RYR2: variants seen among roughly 807,000 people sequenced by gnomAD.
RYR2 encodes the protein ryanodine receptor 2.
In RYR2, 227 loss-of-function variants were observed where a neutral mutation model predicts 601.1. The observed-to-expected ratio is 0.38, with a 90% CI of 0.34 to 0.42. RYR2 has a LOEUF of 0.42. RYR2 is among the 10% of genes least tolerant of loss of function. The pLI is 1.00. For missense variants in RYR2, 4,646 were observed against 6,156.5 expected (o/e 0.75, Z 8.21); for synonymous variants, 2,223 against 2,175.1 (o/e 1.02, Z -0.61).
chr1:237,096,842 T>G (rs909951409), intron 1 of RYR2, among the ~76,000 whole-genome samples: 4 of 152,132 alleles, frequency 2.6e-5, no homozygotes, highest in Non-Finnish European at 4.4e-5. Context: ...CCCCTATAAA[T>G]CTGTGTGGGT....
In RYR2 at chr1:237,330,940, G is replaced by A. The variant is rs376225470; in HGVS notation, c.231G>A (p.Ala77=). ...TGGAGCAGTCCCTCTCTGTCCGGGC[G>A]CTGCAGGAGATGCTGGCTAACACCG... is the stretch of plus-strand genomic sequence containing the variant. ...FVLEQSLSVR[A]LQEMLANTVE... The change falls in exon 3 of 105, where the codon GCG becomes GCA. Residue 77 remains alanine, a synonymous_variant. Coordinates refer to ENST00000366574, the MANE Select transcript of RYR2 (RefSeq NM_001035.3). 208 of 1,613,978 alleles carry A rather than the reference G, an allele frequency of 1.3e-4. 1 individual carries two copies. The African/African-American group carries it at 2.1e-3, about 16-fold the overall frequency.
intron 17 of RYR2, among the ~76,000 whole-genome samples, chr1:237,475,535 G>A (rs1292824645): frequency 1.3e-5 from 2 of 152,092 alleles, no homozygotes; most frequent in South Asian, 2.1e-4. Context: ...AAGTGTGGGT[G>A]GTGGTAGTAA....
intron 1 of RYR2, among the ~76,000 whole-genome samples, chr1:237,146,631 C>T (rs1674034577): frequency 6.6e-6 from 1 of 152,088 alleles, no homozygotes; most frequent in African/African-American, 2.4e-5. Flanking sequence ...ATTTTTTCAC[C>T]AGTTTCTGTC....
At position 237,496,534 on chromosome 1, in the gene RYR2, G is replaced by A; in HGVS notation, c.1985G>A (p.Gly662Asp). 1.9e-6 allele frequency: 3 copies of A among 1,613,852 alleles called. No homozygotes were observed. Among genetic ancestry groups the A allele is most frequent in the Non-Finnish European group, 2.5e-6 (3 of 1,179,814 alleles). Residue 662 changes from glycine (G) to aspartate (D), a missense_variant, in exon 20 of 105, where the codon GGC becomes GAC. Physicochemically the swap from Gly to Asp is moderately conservative, Grantham distance 94. Coordinates refer to ENST00000366574, the MANE Select transcript of RYR2 (RefSeq NM_001035.3). Reference protein sequence around the residue: ...VSSMRPNIFLGVSEGSAQYKK... With the variant: ...VSSMRPNIFLDVSEGSAQYKK... ...AGCATGAGACCCAATATTTTTCTGGGCGTCAGTGAAGGTTCTGCTCAGTAT... is the reference window on the plus strand; with the variant it reads ...AGCATGAGACCCAATATTTTTCTGGACGTCAGTGAAGGTTCTGCTCAGTAT...
rs1234087228 is a variant in RYR2 at position 237,610,481 on chromosome 1, C to T, written c.4684-281C>T. On this transcript the variant is annotated intron_variant, in intron 35 of 104. Transcript: ENST00000366574. The surrounding 1 kb of genome is among the most constrained non-coding windows in gnomAD (Gnocchi z 4.9). ...GAAATATAAAGGATATATGGGTATG[C>T]TTGGCCTTCTCTCTGTGCCATTCAG... is the stretch of plus-strand genomic sequence containing the variant. 6.6e-6 allele frequency among the ~76,000 whole-genome samples: 1 copy of T among 152,124 alleles called. No homozygotes were observed. Among genetic ancestry groups the T allele is most frequent in the African/African-American group, 2.4e-5 (1 of 41,404 alleles).
chr1:237,634,142 C>T (rs963266762), intron 43 of RYR2, among the ~76,000 whole-genome samples: 6 of 152,072 alleles, frequency 3.9e-5, no homozygotes, highest in East Asian at 1.9e-4. Flanking sequence ...ATCAGTATGT[C>T]GAAGAGATAC....
intron 1 of RYR2, among the ~76,000 whole-genome samples, chr1:237,260,601 G>A (rs1194074560): frequency 6.6e-6 from 1 of 152,164 alleles, no homozygotes; most frequent in Admixed American, 6.5e-5. Flanking sequence ...GGGAGACCAA[G>A]GTGGGCAGAT....
rs1001104355 is a variant in RYR2 at position 237,472,681 on chromosome 1, T to C, written c.1708+3494T>C. Among the ~76,000 whole-genome samples, 3 of 111,558 alleles carry C rather than the reference T, an allele frequency of 2.7e-5. No individual in the cohort carries two copies. The Admixed American group carries it at 2.9e-4, about 11-fold the overall frequency. 73.2% of individuals were successfully genotyped at this position (111,558 alleles called of 152,430 possible). On this transcript the variant is annotated intron_variant, in intron 17 of 104. Coordinates refer to ENST00000366574, the MANE Select transcript of RYR2 (RefSeq NM_001035.3). Reference sequence around the variant, plus strand: ...TAGAATGTGTGATAGGATATATTTTTGTAAAAAAAAAAAAGTGAAGATGAA... The same window carrying C: ...TAGAATGTGTGATAGGATATATTTTCGTAAAAAAAAAAAAGTGAAGATGAA...
In RYR2 at chr1:237,399,225, C is replaced by T. The variant is rs546294299; in HGVS notation, c.773+11042C>T. On this transcript the variant is annotated intron_variant, in intron 10 of 104. Coordinates refer to ENST00000366574, the MANE Select transcript of RYR2 (RefSeq NM_001035.3). Reference sequence around the variant, plus strand: ...AAACATAAAAAATAAAAATTGAACACACAGCAACCTCAATGAATCTCCAGG... The same window carrying T: ...AAACATAAAAAATAAAAATTGAACATACAGCAACCTCAATGAATCTCCAGG... Among the ~76,000 whole-genome samples the T allele has an allele frequency of 8.5e-5, 13 of 152,126 alleles. No individual in the cohort carries two copies. The East Asian group carries it at 2.1e-3, about 25-fold the overall frequency.
intron 79 of RYR2, among the ~76,000 whole-genome samples, chr1:237,738,834 C>T (rs913574396): frequency 5.9e-5 from 9 of 152,128 alleles, no homozygotes; most frequent in Admixed American, 5.2e-4. Context: ...TTTCACCTAT[C>T]TTACAAGAGC....
chr1:237,295,767 C>T (rs1692705366), intron 2 of RYR2, among the ~76,000 whole-genome samples: 1 of 152,104 alleles, frequency 6.6e-6, no homozygotes, highest in African/African-American at 2.4e-5. Context: ...CCATAAAATT[C>T]ATACAGGTTT....
intron 2 of RYR2, among the ~76,000 whole-genome samples, chr1:237,275,518 C>T (rs971220574): frequency 4.0e-5 from 6 of 151,630 alleles, no homozygotes; most frequent in African/African-American, 1.2e-4. Flanking sequence ...CCAAAGGGTA[C>T]ATTTCTCAAT....
chr1:237,828,550 G>C, intron 102 of RYR2, 105 bp downstream of exon 102: 2 of 724,040 alleles, frequency 2.8e-6, no homozygotes, highest in Non-Finnish European at 4.5e-6. Context: ...GGAGGGGGAA[G>C]GGCACAACTT....
intron 16 of RYR2, among the ~76,000 whole-genome samples, chr1:237,465,205 G>T (rs1189910008): frequency 1.3e-5 from 2 of 151,474 alleles, no homozygotes. Context: ...TATTGAGATT[G>T]TTTGATCTTT....
At chr1:237,170,632 C>T (rs1196183310) in intron 1 of RYR2, among the ~76,000 whole-genome samples, 1 of 152,158 alleles carries the variant, frequency 6.6e-6, no homozygotes, top group Admixed American at 6.5e-5. Flanking sequence ...GTTAAAGTGC[C>T]TCATGAGGAT....
At position 237,631,613 on chromosome 1, in the gene RYR2, A is replaced by ATTTTTTTTTTTTT. The variant is rs556269614; in HGVS notation, c.6555+92_6555+104dup. 75 of 208,592 alleles carry ATTTTTTTTTTTTT rather than the reference A, an allele frequency of 3.6e-4. 10 individuals carry two copies. Among genetic ancestry groups the ATTTTTTTTTTTTT allele is most frequent in the African/African-American group, 3.5e-3 (52 of 14,850 alleles). 12.9% of individuals were successfully genotyped at this position (208,592 alleles called of 1,614,324 possible). On this transcript the variant is annotated intron_variant, in intron 42 of 104. Transcript: ENST00000366574. The stretch of plus-strand genomic sequence containing the variant: ...GTATATAGATTGATATAGAATGCAG[A>ATTTTTTTTTTTTT]TTTTTTTTTTTTTTTTTTTTTTTTT...
At chr1:237,371,854 A>G (rs1365900665) in intron 6 of RYR2, among the ~76,000 whole-genome samples, 1 of 152,154 alleles carries the variant, frequency 6.6e-6, no homozygotes, top group Non-Finnish European at 1.5e-5. Flanking sequence ...CAGTGAGAAC[A>G]CTTGGACACA....
intron 1 of RYR2, among the ~76,000 whole-genome samples, chr1:237,142,341 G>T (rs932647067): frequency 6.6e-6 from 1 of 152,208 alleles, no homozygotes; most frequent in East Asian, 1.9e-4. Context: ...TGTATTTTTG[G>T]TAATATCCCA....
At chr1:237,795,851 T>TACATATAC (rs1659091337) in intron 96 of RYR2, among the ~76,000 whole-genome samples, 1 of 113,878 alleles carries the variant, frequency 8.8e-6, no homozygotes, top group East Asian at 2.6e-4. Flanking sequence ...TATATATATG[T>TACATATAC]ATATGTATAT....
Sources: gnomAD v4.1 joint callset for allele counts (sites outside exome capture counted in the v4.1 genomes callset) on GRCh38, gnomAD v4.1.1 for gene constraint, Gnocchi (gnomAD v3.1) non-coding constraint, MANE v1.5 for transcripts, NCBI Gene and HGNC (gene_info 2026-07-23, HGNC 2026-07-21) for gene names.